NXPH1: variants seen among roughly 807,000 people sequenced by gnomAD.
The protein encoded by NXPH1 is neurexophilin 1.
In NXPH1, 5 loss-of-function variants were observed where a neutral mutation model predicts 23.7. The observed-to-expected ratio is 0.21, with a 90% CI of 0.11 to 0.44. NXPH1 has a LOEUF of 0.44. Ranked by LOEUF, NXPH1 falls within the 20% of genes least tolerant of loss-of-function variation. NXPH1 has a pLI of 0.99. For missense variants in NXPH1, 324 were observed against 321.6 expected (o/e 1.01, Z -0.06); for synonymous variants, 144 against 122.2 (o/e 1.18, Z -1.18).
intron 2 of NXPH1, among the ~76,000 whole-genome samples, chr7:8,572,197 A>G (rs923885263): frequency 2.0e-5 from 3 of 152,004 alleles, no homozygotes; most frequent in African/African-American, 4.8e-5. Context: ...GATGTCATAT[A>G]TTTTATCTGG....
intron 2 of NXPH1, among the ~76,000 whole-genome samples, chr7:8,563,336 A>T (rs1818481010): frequency 6.6e-6 from 1 of 151,790 alleles, no homozygotes; most frequent in African/African-American, 2.4e-5. Flanking sequence ...TGTAGGTTAT[A>T]TTCAGTCATT....
chr7:8,620,238 C>A (rs1365309389), intron 2 of NXPH1, among the ~76,000 whole-genome samples: 1 of 152,190 alleles, frequency 6.6e-6, no homozygotes, highest in African/African-American at 2.4e-5. Context: ...TGAAAGATTA[C>A]TAGGTGCCTA....
chr7:8,706,927 T>A (rs1009949588), intron 2 of NXPH1, among the ~76,000 whole-genome samples: 1 of 152,130 alleles, frequency 6.6e-6, no homozygotes, highest in Admixed American at 6.5e-5. Flanking sequence ...GGGTGAGTGA[T>A]GAGAAATTAA....
intron 2 of NXPH1, among the ~76,000 whole-genome samples, chr7:8,694,969 T>C (rs1362871820): frequency 6.6e-6 from 1 of 152,234 alleles, no homozygotes; most frequent in Admixed American, 6.5e-5. Context: ...TACATTATTA[T>C]TTTAAAACCA....
At chr7:8,526,754 G>A (rs1408706355) in intron 2 of NXPH1, among the ~76,000 whole-genome samples, 3 of 152,078 alleles carry the variant, frequency 2.0e-5, no homozygotes, top group African/African-American at 7.2e-5. Flanking sequence ...TTTACCTCCT[G>A]CCATGATTCT....
chr7:8,733,281 ATGGGCATTTCTG>A (rs1780190214), intron 2 of NXPH1, among the ~76,000 whole-genome samples: 1 of 152,136 alleles, frequency 6.6e-6, no homozygotes, highest in South Asian at 2.1e-4. Flanking sequence ...TCTATCATTG[ATGGGCATTTCTG>A]TTGGTTCCAA....
rs1294834921 is a variant in NXPH1 at position 8,710,660 on chromosome 7, T to C, written c.55-40348T>C. ...GTTACGTTTTTTGTTTTTTTTTTTTTTTTTTTTTTTTTTGAGACGGAGTCT... is the reference window on the plus strand; with the variant it reads ...GTTACGTTTTTTGTTTTTTTTTTTTCTTTTTTTTTTTTTGAGACGGAGTCT... On this transcript the variant is annotated intron_variant, in intron 2 of 2. Coordinates refer to ENST00000405863, the MANE Select transcript of NXPH1 (RefSeq NM_152745.3). Among the ~76,000 whole-genome samples the C allele has an allele frequency of 4.9e-5, 5 of 101,020 alleles. 1 individual carries two copies. The highest frequency in any genetic ancestry group is 1.2e-4 in the African/African-American group (2 of 16,782). The allele number at this position is 101,020 out of a possible 152,430, so 66.3% of individuals were successfully genotyped here. A position where few individuals can be genotyped will look rare whatever the true frequency, so the allele number is the denominator to read the frequency against.
intron 2 of NXPH1, among the ~76,000 whole-genome samples, chr7:8,636,519 A>G (rs1820220896): frequency 6.6e-6 from 1 of 152,216 alleles, no homozygotes; most frequent in African/African-American, 2.4e-5. Context: ...AACTTAGCAA[A>G]GGATTAAAAA....
chr7:8,732,222 C>T (rs1403138032), intron 2 of NXPH1, among the ~76,000 whole-genome samples: 3 of 152,244 alleles, frequency 2.0e-5, no homozygotes, highest in African/African-American at 7.2e-5. Context: ...CGCGCACCCA[C>T]TGACTTGCGC....
At chr7:8,503,478 A>C (rs765949207) in intron 2 of NXPH1, among the ~76,000 whole-genome samples, 1 of 151,938 alleles carries the variant, frequency 6.6e-6, no homozygotes, top group African/African-American at 2.4e-5. Flanking sequence ...TGACTCTTAC[A>C]TTTACAGACA....
At chr7:8,599,216 G>T (rs1819299729) in intron 2 of NXPH1, among the ~76,000 whole-genome samples, 1 of 152,084 alleles carries the variant, frequency 6.6e-6, no homozygotes, top group African/African-American at 2.4e-5. Flanking sequence ...TATTTGAGCT[G>T]AGCCTTAGGA....
chr7:8,703,063 T>A (rs1384710807), intron 2 of NXPH1, among the ~76,000 whole-genome samples: 5 of 152,058 alleles, frequency 3.3e-5, no homozygotes, highest in Admixed American at 2.0e-4. Flanking sequence ...GGATTTTACC[T>A]CTCCCTTTTT....
intron 2 of NXPH1, among the ~76,000 whole-genome samples, chr7:8,460,557 G>A (rs545239606): frequency 6.6e-6 from 1 of 152,264 alleles, no homozygotes; most frequent in East Asian, 1.9e-4. Flanking sequence ...CAATGGGAAG[G>A]TTTGGATTCA....
At chr7:8,503,942 C>T (rs961541449) in intron 2 of NXPH1, among the ~76,000 whole-genome samples, 6 of 152,014 alleles carry the variant, frequency 3.9e-5, no homozygotes, top group Admixed American at 1.3e-4. Flanking sequence ...AAGCCATCTA[C>T]ATTGTGGTCC....
At chr7:8,710,806 G>A (rs995219249) in intron 2 of NXPH1, among the ~76,000 whole-genome samples, 1 of 138,658 alleles carries the variant, frequency 7.2e-6, no homozygotes, top group Admixed American at 7.0e-5. Context: ...GGGACTACAG[G>A]CGCCCGCCAC....
intron 2 of NXPH1, among the ~76,000 whole-genome samples, chr7:8,458,700 G>T (rs539249445): frequency 6.8e-6 from 1 of 146,530 alleles, no homozygotes. Context: ...GCGGCATTTG[G>T]TTAACTATTC....
intron 2 of NXPH1, among the ~76,000 whole-genome samples, chr7:8,459,847 C>G (rs1262696447): frequency 6.6e-6 from 1 of 152,134 alleles, no homozygotes; most frequent in African/African-American, 2.4e-5. Context: ...ATATTTGTTG[C>G]ACGAATGAAT....
chr7:8,612,567 G>A (rs1376422410), intron 2 of NXPH1, among the ~76,000 whole-genome samples: 5 of 152,024 alleles, frequency 3.3e-5, no homozygotes, highest in Non-Finnish European at 5.9e-5. Flanking sequence ...AGTTATAAGA[G>A]AGTCTAATCA....
At chr7:8,704,492 C>A (rs555817872) in intron 2 of NXPH1, among the ~76,000 whole-genome samples, 2 of 152,026 alleles carry the variant, frequency 1.3e-5, no homozygotes, top group African/African-American at 4.8e-5. Context: ...CTTCTATAAG[C>A]CAGAGATGAT....
Sources: gnomAD v4.1 joint callset for allele counts (sites outside exome capture counted in the v4.1 genomes callset) on GRCh38, gnomAD v4.1.1 for gene constraint, MANE v1.5 for transcripts, NCBI Gene and HGNC (gene_info 2026-07-23, HGNC 2026-07-21) for gene names.